The following PCDHB5 variants were observed in gnomAD, a reference collection of about 807,000 sequenced individuals.
PCDHB5 encodes protocadherin beta 5.
For missense variants in PCDHB5, 1,125 were observed against 1,029.4 expected (o/e 1.09, Z -1.27); for synonymous variants, 569 against 462.2 (o/e 1.23, Z -2.96).
rs1280608182 is a variant in PCDHB5 at position 141,135,778 on chromosome 5, A to T, written c.344A>T (p.Gln115Leu). ...HFQLLLENPV[Q>L]FFQTDLQLTD... is the part of the protein sequence containing the mutation. ...CAGCTCTTACTAGAAAATCCAGTGC[A>T]GTTTTTTCAAACTGATCTGCAGCTC... The change falls in exon 1 of 1, where the codon CAG (glutamine) becomes CTG (leucine). Residue 115 changes from glutamine to leucine, a missense_variant. By Grantham distance (113) the Gln-to-Leu change is moderately radical. Coordinates refer to ENST00000231134, the MANE Select transcript of PCDHB5 (RefSeq NM_015669.5). The T allele has an allele frequency of 6.2e-7, 1 of 1,613,880 alleles. No homozygotes were observed. Among genetic ancestry groups the T allele is most frequent in the Non-Finnish European group, 8.5e-7 (1 of 1,179,902 alleles).
rs1318180438 is a variant in PCDHB5 at position 141,135,818 on chromosome 5, C to T, written c.384C>T (p.Asp128=). ...QTDLQLTDIN[D]HAPEFPEKEM... ...ATCTGCAGCTCACAGATATAAATGA[C>T]CATGCCCCAGAGTTCCCAGAGAAGG... The change falls in exon 1 of 1, where the codon GAC becomes GAT. Residue 128 remains aspartate (D), a synonymous_variant. Coordinates refer to ENST00000231134, the MANE Select transcript of PCDHB5 (RefSeq NM_015669.5). The T allele has an allele frequency of 6.2e-7, 1 of 1,613,808 alleles. No individual in the cohort carries two copies. Among genetic ancestry groups the T allele is most frequent in the African/African-American group, 1.3e-5 (1 of 74,872 alleles).
rs750184006 is a variant in PCDHB5, at chr5:141,137,338, C to T, written c.1904C>T (p.Ala635Val). The T allele has an allele frequency of 4.3e-6, 7 of 1,609,904 alleles. No homozygotes were observed. Among genetic ancestry groups the T allele is most frequent in the Non-Finnish European group, 5.9e-6 (7 of 1,179,554 alleles). Reference sequence around the variant, plus strand: ...AGGCTGCTGAGCGAGCGCGACGCGGCCAAGCACAGGCTGGTGGTGCTGGTC... The same window carrying T: ...AGGCTGCTGAGCGAGCGCGACGCGGTCAAGCACAGGCTGGTGGTGCTGGTC... ...TARLLSERDAAKHRLVVLVKD... is the reference protein window; with the variant it reads ...TARLLSERDAVKHRLVVLVKD... Residue 635 changes from alanine to valine, a missense_variant, in exon 1 of 1, where the codon GCC (alanine) becomes GTC (valine). Coordinates refer to ENST00000231134, the MANE Select transcript of PCDHB5 (RefSeq NM_015669.5).
Position 141,136,702 on chromosome 5 carries a change from C to A in PCDHB5, c.1268C>A (p.Thr423Asn). Residue 423 changes from threonine to asparagine, a missense_variant, in exon 1 of 1, where the codon ACC (threonine) becomes AAC (asparagine). Transcript: ENST00000231134. ...QAEYNITITV[T>N]DMGTPRLKTE... is the part of the protein sequence containing the mutation. ...GAGTACAACATCACCATCACTGTCACCGACATGGGGACACCCAGGCTGAAA... is the reference window on the plus strand; with the variant it reads ...GAGTACAACATCACCATCACTGTCAACGACATGGGGACACCCAGGCTGAAA... 6.2e-7 allele frequency: 1 copy of A among 1,614,156 alleles called. No homozygotes were observed. The highest frequency in any genetic ancestry group is 8.5e-7 in the Non-Finnish European group (1 of 1,180,022).
At position 141,137,662 on chromosome 5, in the gene PCDHB5, C is replaced by T. The variant is rs2149634415; in HGVS notation, c.2228C>T (p.Thr743Ile). The change falls in exon 1 of 1, where the codon ACC becomes ATC. Residue 743 changes from threonine (T) to isoleucine (I), a missense_variant. Transcript: ENST00000231134. ...CTGGTGGACGTGAGCGGCACCGGGA[C>T]CCTATCCCAGAGCTACCACTACGAG... ...GHLVDVSGTG[T>I]LSQSYHYEVC... 1 of 1,614,174 alleles carries T rather than the reference C, an allele frequency of 6.2e-7. No homozygotes were observed. Among genetic ancestry groups the T allele is most frequent in the Non-Finnish European group, 8.5e-7 (1 of 1,180,040 alleles).
chr5:141,137,609 G>T lies in PCDHB5; in HGVS notation c.2175G>T (p.Ser725=). ...RSRAAPVGRC[S]VPEGPFPGHL... is the part of the protein sequence containing the mutation. ...GGGCGGCCCCGGTCGGTCGCTGCTC[G>T]GTGCCCGAGGGCCCCTTTCCAGGGC... The change falls in exon 1 of 1, where the codon TCG becomes TCT. Residue 725 remains serine (S), a synonymous_variant. Transcript: ENST00000231134. 1 of 1,613,422 alleles carries T rather than the reference G, an allele frequency of 6.2e-7. No individual in the cohort carries two copies. Among genetic ancestry groups the T allele is most frequent in the South Asian group, 1.1e-5 (1 of 91,036 alleles).
At position 141,137,707 on chromosome 5, in the gene PCDHB5, C is replaced by A. The variant is rs782140612; in HGVS notation, c.2273C>A (p.Ser758Ter). ...TACGAGGTGTGTTTGACCGGAGACT[C>A]AGGGGCCGGCGAGTTCAAGTTCCTG... Reference protein sequence around the residue: ...YHYEVCLTGDSGAGEFKFLKP... With the variant: ...YHYEVCLTGD The change falls in exon 1 of 1, where the codon TCA (serine) becomes TAA (stop). Residue 758 changes from serine to a stop codon, truncating the protein, a stop_gained. Coordinates refer to ENST00000231134, the MANE Select transcript of PCDHB5 (RefSeq NM_015669.5). LOFTEE classifies it low-confidence loss of function (END_TRUNC). 1.9e-6 allele frequency: 3 copies of A among 1,614,130 alleles called. No homozygotes were observed. In the East Asian group the frequency reaches 6.7e-5, roughly 36 times the overall value.
Position 141,136,808 on chromosome 5 carries a change from C to A in PCDHB5, c.1374C>A (p.Phe458Leu). ...TCACCCAAACCTCCTACACCCTGTT[C>A]GTCCGAGAGAACAACAGCCCCGCCC... ...PAFTQTSYTLFVRENNSPALH... is the reference protein window; with the variant it reads ...PAFTQTSYTLLVRENNSPALH... The change falls in exon 1 of 1, where the codon TTC becomes TTA. Residue 458 changes from phenylalanine to leucine, a missense_variant. Transcript: ENST00000231134. 3 of 1,613,700 alleles carry A rather than the reference C, an allele frequency of 1.9e-6. No homozygotes were observed. The highest frequency in any genetic ancestry group is 1.1e-5 in the South Asian group (1 of 91,032).
In PCDHB5 at chr5:141,135,727, C is replaced by A. The variant is rs181055108; in HGVS notation, c.293C>A (p.Ala98Glu). Residue 98 changes from alanine to glutamate, a missense_variant, in exon 1 of 1, where the codon GCG becomes GAG. Ala to Glu is a moderately radical substitution (Grantham distance 107). Coordinates refer to ENST00000231134, the MANE Select transcript of PCDHB5 (RefSeq NM_015669.5). ...EKLDREVMCG[A>E]TEPCILHFQL... Reference sequence around the variant, plus strand: ...CTAGACCGGGAGGTGATGTGCGGGGCGACAGAACCCTGTATATTGCATTTC... The same window carrying A: ...CTAGACCGGGAGGTGATGTGCGGGGAGACAGAACCCTGTATATTGCATTTC... 6.8e-6 allele frequency: 11 copies of A among 1,613,986 alleles called. No individual in the cohort carries two copies. The highest frequency in any genetic ancestry group is 6.7e-5 in the Admixed American group (4 of 60,004).
At position 141,136,734 on chromosome 5, in the gene PCDHB5, C is replaced by T. The variant is rs535223464; in HGVS notation, c.1300C>T (p.His434Tyr). The change falls in exon 1 of 1, where the codon CAC (histidine) becomes TAC (tyrosine). Residue 434 changes from histidine (H) to tyrosine (Y), a missense_variant. Transcript: ENST00000231134. Reference sequence around the variant, plus strand: ...GGGGACACCCAGGCTGAAAACCGAGCACAACATAACGGTCCTGGTCTCCGA... The same window carrying T: ...GGGGACACCCAGGCTGAAAACCGAGTACAACATAACGGTCCTGGTCTCCGA... ...DMGTPRLKTE[H>Y]NITVLVSDVN... is the part of the protein sequence containing the mutation. 12 of 1,614,142 alleles carry T rather than the reference C, an allele frequency of 7.4e-6. No homozygotes were observed. The highest frequency in any genetic ancestry group is 2.2e-5 in the South Asian group (2 of 91,064).
Position 141,135,321 on chromosome 5 carries a change from G to T in PCDHB5, c.-114G>T, listed in dbSNP as rs1752542058. On this transcript the variant is annotated 5_prime_UTR_variant, in exon 1 of 1. Coordinates refer to ENST00000231134, the MANE Select transcript of PCDHB5 (RefSeq NM_015669.5). ...TCTAGTGGCTAGATCTTCAGGGTGG[G>T]CTTCGTTCTTGTGGAAATCAGTCAA... 2.7e-6 allele frequency: 2 copies of T among 742,828 alleles called. No homozygotes were observed. The highest frequency in any genetic ancestry group is 1.9e-5 in the South Asian group (1 of 53,900). 46.0% of individuals were successfully genotyped at this position (742,828 alleles called of 1,614,324 possible).
At position 141,136,191 on chromosome 5, in the gene PCDHB5, G is replaced by A. The variant is rs375140767; in HGVS notation, c.757G>A (p.Glu253Lys). Residue 253 changes from glutamate (E) to lysine (K), a missense_variant, in exon 1 of 1, where the codon GAG (glutamate) becomes AAG (lysine). Glu to Lys is a moderately conservative substitution (Grantham distance 56). Transcript: ENST00000231134. ...ATCATTCTATGAGGTACAGGTGCCC[G>A]AGAACAGCCCCCTTAACTCCTTAGT... ...LQSFYEVQVP[E>K]NSPLNSLVVV... 1.9e-6 allele frequency: 3 copies of A among 1,614,000 alleles called. No individual in the cohort carries two copies. In the African/African-American group the frequency reaches 4.0e-5, roughly 22 times the overall value.
At position 141,137,789 on chromosome 5, in the gene PCDHB5, T is replaced by C. The variant is rs1554276308; in HGVS notation, c.2355T>C (p.Thr785=). ...PQGAGEEIGK[T]AAFRNSFGLN ...GCGCTGGTGAAGAAATAGGGAAAAC[T>C]GCTGCCTTCCGGAATAGCTTTGGAT... Residue 785 remains threonine (T), a synonymous_variant, in exon 1 of 1, where the codon ACT becomes ACC. Transcript: ENST00000231134. 1.2e-6 allele frequency: 2 copies of C among 1,611,340 alleles called. No individual in the cohort carries two copies. Among genetic ancestry groups the C allele is most frequent in the African/African-American group, 2.7e-5 (2 of 74,926 alleles).
rs1554275730 is a variant in PCDHB5, at chr5:141,135,695, T to C, written c.261T>C (p.Tyr87=). 6.2e-7 allele frequency: 1 copy of C among 1,614,082 alleles called. No individual in the cohort carries two copies. Among genetic ancestry groups the C allele is most frequent in the Non-Finnish European group, 8.5e-7 (1 of 1,180,020 alleles). ...TAAAGACCGGCAATTTGCTTCTATATGAAAAACTAGACCGGGAGGTGATGT... is the reference window on the plus strand; with the variant it reads ...TAAAGACCGGCAATTTGCTTCTATACGAAAAACTAGACCGGGAGGTGATGT... The part of the protein sequence containing the change: ...LDIKTGNLLL[Y]EKLDREVMCG... The change falls in exon 1 of 1, where the codon TAT becomes TAC. Residue 87 remains tyrosine, a synonymous_variant. Coordinates refer to ENST00000231134, the MANE Select transcript of PCDHB5 (RefSeq NM_015669.5).
Position 141,136,506 on chromosome 5 carries a change from A to G in PCDHB5, c.1072A>G (p.Asn358Asp), listed in dbSNP as rs1180403096. 4 of 1,613,930 alleles carry G rather than the reference A, an allele frequency of 2.5e-6. No individual in the cohort carries two copies. The highest frequency in any genetic ancestry group is 3.4e-6 in the Non-Finnish European group (4 of 1,179,956). ...MSTLSSPTPE[N>D]APETVVAVFS... ...TACGCTCTCCAGCCCTACCCCAGAA[A>G]ATGCCCCGGAAACTGTAGTTGCCGT... is the stretch of plus-strand genomic sequence containing the variant. The change falls in exon 1 of 1, where the codon AAT becomes GAT. Residue 358 changes from asparagine to aspartate, a missense_variant. Transcript: ENST00000231134.
chr5:141,136,451 G>T lies in PCDHB5; in HGVS notation c.1017G>T (p.Val339=). The change falls in exon 1 of 1, where the codon GTG becomes GTT. Residue 339 remains valine (V), a synonymous_variant. Coordinates refer to ENST00000231134, the MANE Select transcript of PCDHB5 (RefSeq NM_015669.5). ...CTGTGGCTATAGAAGTGGTGGATGT[G>T]AATGACAACGCCCCTGAACTCACCA... ...KCTVAIEVVD[V]NDNAPELTMS... is the part of the protein sequence containing the mutation. 6.2e-7 allele frequency: 1 copy of T among 1,613,850 alleles called. No individual in the cohort carries two copies. The highest frequency in any genetic ancestry group is 8.5e-7 in the Non-Finnish European group (1 of 1,179,950).
rs781903882 is a variant in PCDHB5 at position 141,136,498 on chromosome 5, C to T, written c.1064C>T (p.Thr355Ile). The T allele has an allele frequency of 1.2e-6, 2 of 1,614,062 alleles. No individual in the cohort carries two copies. Among genetic ancestry groups the T allele is most frequent in the South Asian group, 2.2e-5 (2 of 91,062 alleles). Residue 355 changes from threonine to isoleucine, a missense_variant, in exon 1 of 1, where the codon ACC becomes ATC. By Grantham distance (89) the Thr-to-Ile change is moderately conservative. Transcript: ENST00000231134. Reference sequence around the variant, plus strand: ...ACCATGTCTACGCTCTCCAGCCCTACCCCAGAAAATGCCCCGGAAACTGTA... The same window carrying T: ...ACCATGTCTACGCTCTCCAGCCCTATCCCAGAAAATGCCCCGGAAACTGTA... ...ELTMSTLSSP[T>I]PENAPETVVA...
chr5:141,136,110 A>G lies in PCDHB5; in HGVS notation c.676A>G (p.Thr226Ala). The G allele has an allele frequency of 6.2e-7, 1 of 1,614,196 alleles. No homozygotes were observed. Among genetic ancestry groups the G allele is most frequent in the South Asian group, 1.1e-5 (1 of 91,072 alleles). Reference sequence around the variant, plus strand: ...TGGGGCTCCGCCCAGGTCCGGGACCACCACAATTCGCATTGTCGTCTTGGA... The same window carrying G: ...TGGGGCTCCGCCCAGGTCCGGGACCGCCACAATTCGCATTGTCGTCTTGGA... The part of the protein sequence containing the change: ...DGGAPPRSGT[T>A]TIRIVVLDNN... The change falls in exon 1 of 1, where the codon ACC becomes GCC. Residue 226 changes from threonine (T) to alanine (A), a missense_variant. Thr to Ala is a moderately conservative substitution (Grantham distance 58, BLOSUM62 0). Transcript: ENST00000231134.
In PCDHB5 at chr5:141,135,674, G is replaced by T; in HGVS notation, c.240G>T (p.Lys80Asn). The change falls in exon 1 of 1, where the codon AAG (lysine) becomes AAT (asparagine). Residue 80 changes from lysine (K) to asparagine (N), a missense_variant. Physicochemically the swap from Lys to Asn is moderately conservative, Grantham distance 94. Transcript: ENST00000231134. ...GNKELLQLDI[K>N]TGNLLLYEKL... is the part of the protein sequence containing the mutation. The stretch of plus-strand genomic sequence containing the variant: ...AAGAGCTCTTGCAGCTTGATATAAA[G>T]ACCGGCAATTTGCTTCTATATGAAA... 1 of 1,614,116 alleles carries T rather than the reference G, an allele frequency of 6.2e-7. No individual in the cohort carries two copies. Among genetic ancestry groups the T allele is most frequent in the Non-Finnish European group, 8.5e-7 (1 of 1,180,020 alleles).
chr5:141,135,394 T>C lies in PCDHB5; in HGVS notation c.-41T>C. 1 of 1,329,248 alleles carries C rather than the reference T, an allele frequency of 7.5e-7. No homozygotes were observed. Among genetic ancestry groups the C allele is most frequent in the Non-Finnish European group, 1.0e-6 (1 of 955,300 alleles). The allele number at this position is 1,329,248 out of a possible 1,614,324, so 82.3% of individuals were successfully genotyped here. On this transcript the variant is annotated 5_prime_UTR_variant, in exon 1 of 1. Coordinates refer to ENST00000231134, the MANE Select transcript of PCDHB5 (RefSeq NM_015669.5). The stretch of plus-strand genomic sequence containing the variant: ...TTATGCAAATCATCTGGGTGGATTG[T>C]GTACGGAGTTAAACTGCGCCTTCTG...
Sources: gnomAD v4.1 joint callset for allele counts on GRCh38, gnomAD v4.1.1 for gene constraint, MANE v1.5 for transcripts, NCBI Gene and HGNC (gene_info 2026-07-23, HGNC 2026-07-21) for gene names.